The following CDH18 variants were observed in gnomAD, a reference collection of about 807,000 sequenced individuals.
CDH18 encodes the protein cadherin 18.
In CDH18, 31 loss-of-function variants were observed where a neutral mutation model predicts 67.9. The ratio of observed to expected loss-of-function variants is 0.46; its 90% CI spans 0.34 to 0.62. The LOEUF is 0.62. Ranked by LOEUF, CDH18 falls within the 20% of genes least tolerant of loss-of-function variation. The pLI is 0.01. For missense variants in CDH18, 890 were observed against 975.5 expected (o/e 0.91, Z 1.17); for synonymous variants, 362 against 347.2 (o/e 1.04, Z -0.48).
intron 1 of CDH18, among the ~76,000 whole-genome samples, chr5:20,488,256 T>C (rs888235709): frequency 6.6e-6 from 1 of 152,192 alleles, no homozygotes; most frequent in African/African-American, 2.4e-5. Flanking sequence ...CCTGTAATTG[T>C]ATTTCACCTA....
intron 1 of CDH18, among the ~76,000 whole-genome samples, chr5:20,413,002 C>T (rs181632580): frequency 1.5e-4 from 23 of 152,260 alleles, no homozygotes; most frequent in Admixed American, 4.6e-4. Context: ...GTGATGCTCC[C>T]GCCCTGCGTC....
chr5:19,581,137 C>T (rs1743186111), intron 7 of CDH18, among the ~76,000 whole-genome samples: 1 of 151,900 alleles, frequency 6.6e-6, no homozygotes. Context: ...TTTTACTTCC[C>T]CAGGCAATTG....
intron 8 of CDH18, among the ~76,000 whole-genome samples, chr5:19,559,086 C>T (rs545436417): frequency 8.4e-4 from 128 of 152,138 alleles, no homozygotes; most frequent in Non-Finnish European, 1.2e-3. Context: ...TCTTGCTTCT[C>T]TTCTTGGTTA....
chr5:20,425,719 G>A (rs1388603405), intron 1 of CDH18, among the ~76,000 whole-genome samples: 2 of 150,988 alleles, frequency 1.3e-5, no homozygotes, highest in Non-Finnish European at 1.5e-5. Flanking sequence ...ACTCTTAGCT[G>A]TGGAATATTA....
At chr5:20,115,561 C>T (rs1172776895) in intron 2 of CDH18, among the ~76,000 whole-genome samples, 1 of 151,796 alleles carries the variant, frequency 6.6e-6, no homozygotes, top group Non-Finnish European at 1.5e-5. Context: ...ACAGGTGGAC[C>T]TCACTTAAAC....
intron 2 of CDH18, among the ~76,000 whole-genome samples, chr5:20,178,579 T>A (rs1179552088): frequency 1.3e-5 from 2 of 149,692 alleles, no homozygotes; most frequent in Non-Finnish European, 3.0e-5. Context: ...AGAGTTTCTT[T>A]CTTTCTTTCT....
chr5:19,656,433 C>T (rs1012653519), intron 5 of CDH18, among the ~76,000 whole-genome samples: 1 of 151,996 alleles, frequency 6.6e-6, no homozygotes, highest in Non-Finnish European at 1.5e-5. Flanking sequence ...GTGGATTATG[C>T]TGGCATTTAA....
intron 8 of CDH18, among the ~76,000 whole-genome samples, chr5:19,560,189 G>A (rs912953917): frequency 2.6e-5 from 4 of 151,918 alleles, no homozygotes; most frequent in African/African-American, 7.3e-5. Flanking sequence ...AACCAAAAGA[G>A]AGCCTGCATA....
chr5:20,033,204 T>TA (rs200455368), intron 2 of CDH18, among the ~76,000 whole-genome samples: 176 of 147,092 alleles, frequency 1.2e-3, no homozygotes, highest in Middle Eastern at 3.4e-3. Flanking sequence ...TCTTCCTTTT[T>TA]AAAAAAAAAA....
chr5:19,544,073 T>A, intron 8 of CDH18, 68 bp from the exon 9 acceptor site: 1 of 692,558 alleles, frequency 1.4e-6, no homozygotes, highest in Non-Finnish European at 2.3e-6. Flanking sequence ...CCAAGGAAAG[T>A]ATTATATCTA....
intron 7 of CDH18, among the ~76,000 whole-genome samples, chr5:19,588,662 C>A (rs986160943): frequency 6.6e-6 from 1 of 151,962 alleles, no homozygotes; most frequent in Non-Finnish European, 1.5e-5. Context: ...AGACCCATCT[C>A]ACGTGCAAAG....
At chr5:19,759,759 G>A (rs141623537) in intron 3 of CDH18, among the ~76,000 whole-genome samples, 1 of 152,212 alleles carries the variant, frequency 6.6e-6, no homozygotes, top group Non-Finnish European at 1.5e-5. Context: ...TGGGGAAGGA[G>A]GGGAAAAATA....
chr5:19,498,157 A>G (rs918262441), intron 11 of CDH18, among the ~76,000 whole-genome samples: 1 of 152,030 alleles, frequency 6.6e-6, no homozygotes, highest in African/African-American at 2.4e-5. Context: ...AACATGCCCA[A>G]TCTCTGTATC....
intron 5 of CDH18, among the ~76,000 whole-genome samples, chr5:19,719,626 A>G (rs1451504571): frequency 4.6e-5 from 7 of 151,940 alleles, no homozygotes; most frequent in Non-Finnish European, 1.0e-4. Context: ...CTAAATATTA[A>G]GTGATACCTT....
intron 9 of CDH18, among the ~76,000 whole-genome samples, chr5:19,524,618 T>C (rs1451952628): frequency 6.6e-6 from 1 of 152,122 alleles, no homozygotes; most frequent in Non-Finnish European, 1.5e-5. Flanking sequence ...TAAAAGATTT[T>C]ATGTATTCCT....
rs113789500 is a variant in CDH18, at chr5:19,942,381, C to T, written c.-257+38679G>A. ...ATCTACTTCAGCTGTGAATTGCTGA[C>T]GGCTGAATGAAGAATGCTACCATTT... On this transcript the variant is annotated intron_variant, in intron 2 of 12. Transcript: ENST00000382275. Among the ~76,000 whole-genome samples, 437 of 152,288 alleles carry T rather than the reference C, an allele frequency of 2.9e-3. 7 individuals are homozygous for T. The highest frequency in any genetic ancestry group is 8.2e-3 in the African/African-American group (342 of 41,570).
intron 7 of CDH18, among the ~76,000 whole-genome samples, chr5:19,573,491 G>A (rs1176322100): frequency 6.6e-6 from 1 of 152,088 alleles, no homozygotes; most frequent in Non-Finnish European, 1.5e-5. Context: ...TGTTAGCCAG[G>A]ATGGTCTCGA....
chr5:20,409,869 G>A (rs1746616080), intron 1 of CDH18, among the ~76,000 whole-genome samples: 1 of 151,622 alleles, frequency 6.6e-6, no homozygotes, highest in East Asian at 1.9e-4. Context: ...ACACTTGTAT[G>A]CTAAGAAACC....
rs142656284 is a variant in CDH18 at position 20,414,309 on chromosome 5, G to A, written c.-579-158804C>T. 2.0e-3 allele frequency among the ~76,000 whole-genome samples: 307 copies of A among 152,278 alleles called. 2 individuals are homozygous for A. The highest frequency in any genetic ancestry group is 7.1e-3 in the African/African-American group (293 of 41,552). ...TCATAAAAAATAATGGTATCACTTC[G>A]TTTACAACAATATGAATGCAGTTGG... On this transcript the variant is annotated intron_variant, in intron 1 of 14. Coordinates refer to the CDH18 transcript ENST00000507958.
Sources: allele counts gnomAD v4.1 joint callset (sites outside exome capture counted in the v4.1 genomes callset), GRCh38; gene constraint gnomAD v4.1.1; transcripts MANE v1.5; gene names NCBI Gene and HGNC (gene_info 2026-07-23, HGNC 2026-07-21).